Variants in TDRD9 observed in about 807,000 individuals in gnomAD.
The protein encoded by TDRD9 is ATP-dependent RNA helicase TDRD9.
A neutral mutation model predicts 172.6 loss-of-function variants in TDRD9; 124 were observed. That is an observed-to-expected ratio of 0.72 (90% CI 0.62 to 0.83). The LOEUF is 0.83. TDRD9 is among the 40% of genes least tolerant of loss of function. TDRD9 has a pLI of 0.00. For missense variants in TDRD9, 1,479 were observed against 1,714.1 expected (o/e 0.86, Z 2.42); for synonymous variants, 619 against 617.1 (o/e 1.00, Z -0.05).
At chr14:104,046,219 T>A (rs564291731) in intron 34 of TDRD9, among the ~76,000 whole-genome samples, 1 of 152,324 alleles carries the variant, frequency 6.6e-6, no homozygotes, top group African/African-American at 2.4e-5. Context: ...CCTCTCAAAG[T>A]GCTGGGATTA....
At chr14:104,018,776 T>A (rs1363562354) in intron 23 of TDRD9, among the ~76,000 whole-genome samples, 1 of 152,214 alleles carries the variant, frequency 6.6e-6, no homozygotes, top group East Asian at 1.9e-4. Flanking sequence ...AAGTTAGAAA[T>A]TTTTTCCAGT....
At position 104,052,075 on chromosome 14, in the gene TDRD9, G is replaced by T; in HGVS notation, c.4142G>T (p.Gly1381Val). 1 of 1,569,938 alleles carries T rather than the reference G, an allele frequency of 6.4e-7. No homozygotes were observed. The highest frequency in any genetic ancestry group is 1.2e-5 in the South Asian group (1 of 85,114). The change falls in exon 36 of 36, where the codon GGC becomes GTC. Residue 1381 changes from glycine to valine, a missense_variant. Transcript: ENST00000409874. Reference protein sequence around the residue: ...LYQLHKLVVLGT With the variant: ...LYQLHKLVVLVT The stretch of plus-strand genomic sequence containing the variant: ...CAGCTCCACAAACTGGTTGTGCTCG[G>T]CACCTGAGCATGTCCACAGGTGGCC...
intron 8 of TDRD9, among the ~76,000 whole-genome samples, chr14:103,987,145 C>T (rs1485654878): frequency 6.6e-6 from 1 of 151,828 alleles, no homozygotes; most frequent in Non-Finnish European, 1.5e-5. Flanking sequence ...CACACACACA[C>T]ACACACACAC....
intron 34 of TDRD9, among the ~76,000 whole-genome samples, chr14:104,044,865 AGACG>A: frequency 6.6e-6 from 1 of 152,236 alleles, no homozygotes. Flanking sequence ...GGCCAGGGCC[AGACG>A]TATTGGCTTA....
intron 5 of TDRD9, 51 bp downstream of exon 5, chr14:103,966,882 ACT>A (rs1159889913): frequency 1.3e-6 from 2 of 1,492,628 alleles, no homozygotes; most frequent in East Asian, 2.5e-5. Flanking sequence ...TCTTAAAAAA[ACT>A]CTCAGAGTAT....
At chr14:103,934,686 G>T (rs1160852300) in intron 1 of TDRD9, among the ~76,000 whole-genome samples, 4 of 152,232 alleles carry the variant, frequency 2.6e-5, no homozygotes, top group Non-Finnish European at 5.9e-5. Context: ...GGAGGCTGAG[G>T]CAGGAGAATG....
intron 13 of TDRD9, among the ~76,000 whole-genome samples, chr14:104,002,401 C>A (rs2034292623): frequency 6.6e-6 from 1 of 151,994 alleles, no homozygotes; most frequent in Admixed American, 6.6e-5. Context: ...AATTGGTCTG[C>A]CCCTGAACTG....
intron 6 of TDRD9, among the ~76,000 whole-genome samples, chr14:103,973,256 A>T (rs778459961): frequency 3.3e-5 from 5 of 152,226 alleles, no homozygotes; most frequent in African/African-American, 7.2e-5. Flanking sequence ...GTGGTTTTGT[A>T]AGAGGTTTTT....
intron 1 of TDRD9, among the ~76,000 whole-genome samples, chr14:103,951,573 T>G (rs2031871924): frequency 6.6e-6 from 1 of 152,206 alleles, no homozygotes; most frequent in African/African-American, 2.4e-5. Context: ...TATAAATTTT[T>G]GTATAATCTG....
chr14:103,999,419 T>C (rs527718928), intron 13 of TDRD9, among the ~76,000 whole-genome samples: 73 of 152,340 alleles, frequency 4.8e-4, no homozygotes, highest in South Asian at 2.5e-3. Context: ...CTAAAGTGGT[T>C]CTGCAGAGAG....
intron 35 of TDRD9, 124 bp from the exon 36 acceptor site, chr14:104,051,857 T>C: frequency 1.7e-6 from 1 of 592,374 alleles, no homozygotes; most frequent in East Asian, 3.0e-5. Context: ...TAGAGAAGTG[T>C]TCTGTAAATA....
chr14:104,021,501 G>A (rs1046844540), intron 23 of TDRD9, among the ~76,000 whole-genome samples: 2 of 151,950 alleles, frequency 1.3e-5, no homozygotes, highest in East Asian at 1.9e-4. Context: ...GAGACCATCC[G>A]GGCCAACATG....
intron 12 of TDRD9, 46 bp downstream of exon 12, chr14:103,995,853 T>C: frequency 6.7e-7 from 1 of 1,493,980 alleles, no homozygotes; most frequent in Non-Finnish European, 9.1e-7. Context: ...TGTAGTGCCA[T>C]ATTTATTGGC....
intron 9 of TDRD9, 143 bp from the exon 10 acceptor site, chr14:103,994,189 G>A: frequency 2.8e-6 from 2 of 704,894 alleles, no homozygotes; most frequent in Non-Finnish European, 5.0e-6. Flanking sequence ...TTGTGTTTCT[G>A]GCATATTTAG....
At chr14:104,008,345 TA>T (rs2034510409) in intron 19 of TDRD9, 67 bp from the exon 20 acceptor site, 6 of 951,698 alleles carry the variant, frequency 6.3e-6, no homozygotes, top group Non-Finnish European at 1.0e-5. Flanking sequence ...AAATATGTAT[TA>T]AAGTAGCTAA....
At chr14:103,988,591 T>C (rs2033759324) in intron 8 of TDRD9, among the ~76,000 whole-genome samples, 1 of 152,348 alleles carries the variant, frequency 6.6e-6, no homozygotes, top group African/African-American at 2.4e-5. Flanking sequence ...TGTTGGCCAT[T>C]TTGCTTTTTG....
At chr14:104,009,231 T>C (rs1050694086) in intron 20 of TDRD9, among the ~76,000 whole-genome samples, 12 of 152,138 alleles carry the variant, frequency 7.9e-5, no homozygotes, top group African/African-American at 2.9e-4. Context: ...GCGGTAAAAA[T>C]ATGGTTATAA....
intron 13 of TDRD9, among the ~76,000 whole-genome samples, chr14:104,002,484 G>A (rs1201964922): frequency 6.6e-6 from 1 of 152,120 alleles, no homozygotes; most frequent in East Asian, 1.9e-4. Context: ...GGAAAGTGAC[G>A]TGTAGAAAAT....
At chr14:104,008,604 T>C (rs1196470017) in intron 20 of TDRD9, 138 bp downstream of exon 20, 1 of 616,326 alleles carries the variant, frequency 1.6e-6, no homozygotes, top group African/African-American at 1.9e-5. Context: ...TTTCCAGCTT[T>C]AGTAGGAGTG....
Sources: allele counts gnomAD v4.1 joint callset (sites outside exome capture counted in the v4.1 genomes callset), GRCh38; gene constraint gnomAD v4.1.1; transcripts MANE v1.5; gene names NCBI Gene and HGNC (gene_info 2026-07-23, HGNC 2026-07-21).